Variants in SPON1 observed in about 807,000 individuals in gnomAD.
SPON1 encodes spondin-1.
A neutral mutation model predicts 111.7 loss-of-function variants in SPON1; 52 were observed. That is an observed-to-expected ratio of 0.47 (90% confidence interval 0.37 to 0.59). The LOEUF (loss-of-function observed/expected upper bound fraction) is 0.59. Among genes scored for constraint, SPON1 ranks in the 20% least tolerant of loss-of-function variants. SPON1 has a pLI of 0.00. For missense variants in SPON1, 957 were observed against 1,068.5 expected, an observed-to-expected ratio of 0.90 and a Z score of 1.46; for synonymous variants, 410 against 395.8, an observed-to-expected ratio of 1.04 and a Z score of -0.43.
At position 14,267,107 on chromosome 11, in the gene SPON1, G is replaced by GA. The variant is rs1330266468; in HGVS notation, c.*1422dup. 2.0e-5 allele frequency: 3 copies of GA among 152,240 alleles called. No homozygotes were observed. The highest frequency in any genetic ancestry group is 2.0e-4 in the Admixed American group (3 of 15,296). 9.4% of individuals were successfully genotyped at this position (152,240 alleles called of 1,614,324 possible). On this transcript the variant is annotated 3_prime_UTR_variant, in exon 16 of 16. Coordinates refer to ENST00000576479, the MANE Select transcript of SPON1 (RefSeq NM_006108.4). ...ACATACAATGCTCTGAATACACTAC[G>GA]AATTTGTATTAAACACATCAGAATA...
At chr11:14,043,179 G>A (rs1554917481) in intron 3 of SPON1, among the ~76,000 whole-genome samples, 1 of 152,144 alleles carries the variant, frequency 6.6e-6, no homozygotes, top group African/African-American at 2.4e-5. Flanking sequence ...GTATAACAAG[G>A]GAGTCAGCTG....
At chr11:14,016,821 T>G (rs1848447398) in intron 2 of SPON1, among the ~76,000 whole-genome samples, 1 of 152,240 alleles carries the variant, frequency 6.6e-6, no homozygotes, top group South Asian at 2.1e-4. Flanking sequence ...GTGCCATTTT[T>G]TTCATTTCAA....
rs190994513 is a variant in SPON1, at chr11:14,062,718, A to T, written c.480-12627A>T. Among the ~76,000 whole-genome samples the T allele has an allele frequency of 2.0e-5, 3 of 152,378 alleles. No homozygotes were observed. The East Asian group carries it at 5.8e-4, about 29-fold the overall frequency. On this transcript the variant is annotated intron_variant, in intron 3 of 15. Coordinates refer to ENST00000576479, the MANE Select transcript of SPON1 (RefSeq NM_006108.4). ...ATCCTCCGAGGATAAGAATTCTGCT[A>T]GTTGACTTTCTTGAAATGCATCTCA...
intron 6 of SPON1, among the ~76,000 whole-genome samples, chr11:14,171,239 A>G (rs1247396493): frequency 6.6e-6 from 1 of 152,216 alleles, no homozygotes; most frequent in African/African-American, 2.4e-5. Context: ...GTATGTGTCC[A>G]GGAATTTATC....
Position 14,255,609 on chromosome 11 carries a change from T to G in SPON1, c.1093-38T>G, listed in dbSNP as rs782065277. 6.3e-6 allele frequency: 10 copies of G among 1,595,240 alleles called. No individual in the cohort carries two copies. The African/African-American group carries it at 9.4e-5, about 15-fold the overall frequency. On this transcript the variant is annotated intron_variant, in intron 8 of 15. Coordinates refer to ENST00000576479, the MANE Select transcript of SPON1 (RefSeq NM_006108.4). ...ATGGCTTTTGTGGGTTTTCCCAATT[T>G]TATTTCTTACTCTCTACCTCTGTAT...
At chr11:14,205,665 A>G (rs1350774459) in intron 6 of SPON1, among the ~76,000 whole-genome samples, 1 of 152,174 alleles carries the variant, frequency 6.6e-6, no homozygotes, top group East Asian at 1.9e-4. Context: ...TTAAATTGGC[A>G]TGGTTTGACC....
intron 6 of SPON1, among the ~76,000 whole-genome samples, chr11:14,186,706 T>A (rs1848289644): frequency 6.6e-6 from 1 of 152,212 alleles, no homozygotes; most frequent in Non-Finnish European, 1.5e-5. Flanking sequence ...CCCATTTATA[T>A]CCTTGTGCAG....
At chr11:14,052,679 A>G (rs1848716795) in intron 3 of SPON1, among the ~76,000 whole-genome samples, 1 of 152,208 alleles carries the variant, frequency 6.6e-6, no homozygotes, top group Admixed American at 6.5e-5. Context: ...CTGCCATCCA[A>G]CAGGTGGAAT....
intron 6 of SPON1, among the ~76,000 whole-genome samples, chr11:14,180,372 C>T (rs1326235614): frequency 6.6e-6 from 1 of 152,254 alleles, no homozygotes; most frequent in Non-Finnish European, 1.5e-5. Flanking sequence ...CACACACACC[C>T]TTTGCTTTGG....
intron 3 of SPON1, among the ~76,000 whole-genome samples, chr11:14,063,872 G>T (rs782185380): frequency 6.6e-6 from 1 of 152,174 alleles, no homozygotes; most frequent in Non-Finnish European, 1.5e-5. Flanking sequence ...AAACTGCCTA[G>T]CTTGGTCAAA....
chr11:14,150,290 G>A (rs1473688609), intron 6 of SPON1, among the ~76,000 whole-genome samples: 1 of 152,008 alleles, frequency 6.6e-6, no homozygotes, highest in Non-Finnish European at 1.5e-5. Context: ...TAATAGTGGA[G>A]TGTGGAATAG....
chr11:14,147,889 A>ATAAGGAAT (rs1847742141), intron 6 of SPON1, among the ~76,000 whole-genome samples: 1 of 151,884 alleles, frequency 6.6e-6, no homozygotes, highest in Non-Finnish European at 1.5e-5. Flanking sequence ...AGAAAAGGAA[A>ATAAGGAAT]ATGAGATGGC....
intron 10 of SPON1, 39 bp downstream of exon 10, chr11:14,256,731 T>C (rs782628034): frequency 6.6e-7 from 1 of 1,524,770 alleles, no homozygotes; most frequent in East Asian, 2.3e-5. Context: ...CAACATAAAT[T>C]GACATAACCC....
chr11:14,222,913 C>T (rs1263490557), intron 6 of SPON1, among the ~76,000 whole-genome samples: 1 of 152,156 alleles, frequency 6.6e-6, no homozygotes, highest in Non-Finnish European at 1.5e-5. Flanking sequence ...GAAGTCAGCT[C>T]CAGCACATCA....
chr11:14,006,327 A>G (rs1376018938), intron 2 of SPON1, among the ~76,000 whole-genome samples: 2 of 152,170 alleles, frequency 1.3e-5, no homozygotes, highest in Non-Finnish European at 2.9e-5. Context: ...GGGACACCAA[A>G]GAGTTTTAGA....
chr11:14,046,955 T>C (rs1269748754), intron 3 of SPON1, among the ~76,000 whole-genome samples: 1 of 152,176 alleles, frequency 6.6e-6, no homozygotes, highest in Non-Finnish European at 1.5e-5. Flanking sequence ...TAGTTTTATT[T>C]CTTTTGTGAA....
chr11:14,109,944 C>T (rs138078756), intron 5 of SPON1, among the ~76,000 whole-genome samples: 24 of 152,346 alleles, frequency 1.6e-4, no homozygotes, highest in African/African-American at 5.1e-4. Flanking sequence ...ATCCTGCCTA[C>T]TCCTGCGTCA....
At chr11:14,205,983 T>C (rs1021032171) in intron 6 of SPON1, among the ~76,000 whole-genome samples, 2 of 152,122 alleles carry the variant, frequency 1.3e-5, no homozygotes, top group East Asian at 3.8e-4. Context: ...TTCCTGATAT[T>C]TGAGTTTGCA....
chr11:14,204,596 G>T (rs1848497791), intron 6 of SPON1, among the ~76,000 whole-genome samples: 1 of 151,036 alleles, frequency 6.6e-6, no homozygotes, highest in South Asian at 2.1e-4. Context: ...CTCCAAGTAA[G>T]ATTTTCAACA....
Sources: allele counts gnomAD v4.1 joint callset (sites outside exome capture counted in the v4.1 genomes callset), GRCh38; gene constraint gnomAD v4.1.1; transcripts MANE v1.5; gene names NCBI Gene and HGNC (gene_info 2026-07-23, HGNC 2026-07-21).